Variants in FBXL6 observed in about 807,000 individuals in gnomAD.
FBXL6 encodes the protein F-box/LRR-repeat protein 6.
In FBXL6, 50 loss-of-function variants were observed where a neutral mutation model predicts 53.3. The observed-to-expected ratio is 0.94, with a 90% confidence interval of 0.75 to 1.19. The LOEUF is 1.19. Ranked by LOEUF, FBXL6 falls within the 50% of genes most tolerant of loss-of-function variation. The pLI, the probability that FBXL6 is intolerant of heterozygous loss-of-function variation, is 0.00. For missense variants in FBXL6, 815 were observed against 719.0 expected, an observed-to-expected ratio of 1.13 and a Z score of -1.53; for synonymous variants, 405 against 322.9, an observed-to-expected ratio of 1.25 and a Z score of -2.73.
chr8:144,356,172 C>T lies in FBXL6; in HGVS notation c.1268G>A (p.Arg423Gln), dbSNP rs782379592. ...LHLGLYGTSD[R>Q]LTLAKEGSPF... ...GCTGCCCTCCTTGGCTAGAGTCAGC[C>T]GGTCTGACGTGCCATACAGGCCCAG... is the stretch of plus-strand genomic sequence containing the variant. Residue 423 changes from arginine (R) to glutamine (Q), a missense_variant, in exon 8 of 9, where the codon CGG becomes CAG. Coordinates refer to ENST00000331890, the MANE Select transcript of FBXL6 (RefSeq NM_012162.4). 1.1e-5 allele frequency: 17 copies of T among 1,608,218 alleles called. 1 individual carries two copies. In the Middle Eastern group the frequency reaches 4.9e-4, roughly 47 times the overall value.
rs1564650980 is a variant in FBXL6, at chr8:144,357,771, GCA to G, written c.430_431del (p.Cys144ProfsTer73). The G allele has an allele frequency of 5.1e-6, 8 of 1,577,970 alleles. No homozygotes were observed. The highest frequency in any genetic ancestry group is 6.0e-6 in the Non-Finnish European group (7 of 1,165,802). ...GGGAAGCGGCCTCCTGCCAGCGGCG[GCA>G]CACGCGCGCAGCCCTGGGAGGACAG... The part of the protein sequence containing the change: ...MPFLGRAARV[C>X]RRWQEAASQP... On this transcript the variant is annotated frameshift_variant, in exon 2 of 9. Transcript: ENST00000331890. LOFTEE classifies it high-confidence loss of function.
At chr8:144,355,780 C>A in intron 8 of FBXL6, 102 bp from the exon 9 acceptor site, 1 of 1,531,502 alleles carries the variant, frequency 6.5e-7, no homozygotes, top group African/African-American at 1.4e-5. Context: ...GGCTCTGCCA[C>A]CCATAGCCAC....
chr8:144,356,107 G>A lies in FBXL6; in HGVS notation c.1333C>T (p.Leu445=). The change falls in exon 8 of 9, where the codon CTG becomes TTG. Residue 445 remains leucine, a synonymous_variant. Transcript: ENST00000331890. ...CTGAACCCCTGGCCACTCAAGTCCAGTTCTCGCAGTGTATGGCACCACTTC... is the reference window on the plus strand; with the variant it reads ...CTGAACCCCTGGCCACTCAAGTCCAATTCTCGCAGTGTATGGCACCACTTC... The part of the protein sequence containing the change: ...TQKWCHTLRE[L]DLSGQGFSEK... 1 of 1,613,018 alleles carries A rather than the reference G, an allele frequency of 6.2e-7. No homozygotes were observed. Among genetic ancestry groups the A allele is most frequent in the Non-Finnish European group, 8.5e-7 (1 of 1,180,026 alleles).
At position 144,356,599 on chromosome 8, in the gene FBXL6, C is replaced by A. The variant is rs782680645; in HGVS notation, c.993+1G>T. On this transcript the variant is annotated splice_donor_variant, in intron 6 of 8. Coordinates refer to ENST00000331890, the MANE Select transcript of FBXL6 (RefSeq NM_012162.4). LOFTEE classifies it high-confidence loss of function. ...GGTGGGAGAGGCAGGGCGCCAGGTA[C>A]CTGGAGCTGAGGGCAGCCTTTCTGC... The A allele has an allele frequency of 1.2e-6, 2 of 1,612,792 alleles. No individual in the cohort carries two copies. The highest frequency in any genetic ancestry group is 1.7e-6 in the Non-Finnish European group (2 of 1,179,954).
rs1330064978 is a variant in FBXL6, at chr8:144,356,232, A to G, written c.1226-18T>C. 9.9e-6 allele frequency: 12 copies of G among 1,211,638 alleles called. No individual in the cohort carries two copies. Among genetic ancestry groups the G allele is most frequent in the Non-Finnish European group, 1.3e-5 (12 of 953,426 alleles). The allele number at this position is 1,211,638 out of a possible 1,614,324, so 75.1% of individuals were successfully genotyped here. A position where few individuals can be genotyped will look rare whatever the true frequency, so the allele number is the denominator to read the frequency against. ...CTCCAGCTCTGCAGTGAAAGGAGTG[A>G]GCATAAGCTACAAGGTGACAAGGGC... On this transcript the variant is annotated intron_variant, in intron 7 of 8. Transcript: ENST00000331890.
At position 144,358,178 on chromosome 8, in the gene FBXL6, C is replaced by T. The variant is rs782168336; in HGVS notation, c.270G>A (p.Ala90=). 2 of 1,458,038 alleles carry T rather than the reference C, an allele frequency of 1.4e-6. No homozygotes were observed. Among genetic ancestry groups the T allele is most frequent in the African/African-American group, 2.9e-5 (2 of 68,378 alleles). 90.3% of individuals were successfully genotyped at this position (1,458,038 alleles called of 1,614,324 possible). ...GTGCCGGTGCGGGTGCGGGCGCGGC[C>T]GCCGCCTCGGACCTGAGCCCGGCCT... ...KPKAGLRSEA[A]AAPAPAPAPT... The change falls in exon 1 of 9, where the codon GCG becomes GCA. Residue 90 remains alanine (A), a synonymous_variant. Coordinates refer to ENST00000331890, the MANE Select transcript of FBXL6 (RefSeq NM_012162.4).
At position 144,357,712 on chromosome 8, in the gene FBXL6, G is replaced by A. The variant is rs1818525765; in HGVS notation, c.491C>T (p.Ser164Phe). The change falls in exon 2 of 9, where the codon TCC becomes TTC. Residue 164 changes from serine (S) to phenylalanine (F), a missense_variant. Transcript: ENST00000331890. ...CTTGGCAGGCCGGCCGACCAGCGGG[G>A]ACGACAGGGTCACGGTGTGCCAGAG... is the stretch of plus-strand genomic sequence containing the variant. ...PALWHTVTLS[S>F]PLVGRPAKGG... The A allele has an allele frequency of 6.2e-7, 1 of 1,609,466 alleles. No individual in the cohort carries two copies. Among genetic ancestry groups the A allele is most frequent in the Non-Finnish European group, 8.5e-7 (1 of 1,178,662 alleles).
chr8:144,356,738 G>C, intron 5 of FBXL6, 25 bp from the exon 6 acceptor site: 1 of 1,610,928 alleles, frequency 6.2e-7, no homozygotes, highest in South Asian at 1.1e-5. Flanking sequence ...GGAGGGGGTA[G>C]GTCACAGGGT....
rs781905056 is a variant in FBXL6, at chr8:144,357,080, G to A, written c.681C>T (p.Leu227=). ...ECCPRLTFLK[L]SGCHGVTADA... ...CAGCAGTCACACCGTGGCAGCCGGA[G>A]AGCTTGAGGAAAGTGAGCCGAGGAC... The change falls in exon 4 of 9, where the codon CTC becomes CTT. Residue 227 remains leucine (L), a synonymous_variant. Coordinates refer to ENST00000331890, the MANE Select transcript of FBXL6 (RefSeq NM_012162.4). The A allele has an allele frequency of 1.2e-6, 2 of 1,612,982 alleles. No homozygotes were observed. The highest frequency in any genetic ancestry group is 1.6e-4 in the Middle Eastern group (1 of 6,062).
At chr8:144,356,786 G>A in intron 5 of FBXL6, 22 bp downstream of exon 5, 2 of 1,612,756 alleles carry the variant, frequency 1.2e-6, no homozygotes, top group Non-Finnish European at 1.7e-6. Context: ...ATCTGCCTCT[G>A]CTCCCACCAA....
chr8:144,357,289 G>A (rs1818499506), intron 3 of FBXL6, 150 bp downstream of exon 3: 12 of 1,257,418 alleles, frequency 9.5e-6, no homozygotes, highest in Middle Eastern at 2.7e-4. Context: ...CCTCCCTGCT[G>A]GAGGAAACAG....
chr8:144,356,629 C>G lies in FBXL6; in HGVS notation c.964G>C (p.Ala322Pro), dbSNP rs782362293. 6.2e-7 allele frequency: 1 copy of G among 1,612,888 alleles called. No homozygotes were observed. Among genetic ancestry groups the G allele is most frequent in the African/African-American group, 1.3e-5 (1 of 74,886 alleles). Residue 322 changes from alanine (A) to proline (P), a missense_variant, in exon 6 of 9, where the codon GCT becomes CCT. By Grantham distance (27) the Ala-to-Pro change is conservative (BLOSUM62 -1). Coordinates refer to ENST00000331890, the MANE Select transcript of FBXL6 (RefSeq NM_012162.4). ...AGCTGAGGGCAGCCTTTCTGCAGAG[C>G]CTCGACAGGCAGCTGAAGGGGAATG... ...NSIPLQLPVEALQKGCPQLQV... is the reference protein window; with the variant it reads ...NSIPLQLPVEPLQKGCPQLQV...
chr8:144,357,814 G>A (rs782348957), intron 1 of FBXL6, 28 bp from the exon 2 acceptor site: 23 of 1,491,700 alleles, frequency 1.5e-5, no homozygotes, highest in African/African-American at 4.2e-5. Context: ...TGAGGGTGCC[G>A]GCCCCTCCGT....
rs1460535906 is a variant in FBXL6 at position 144,357,846 on chromosome 8, G to A, written c.417-60C>T. The stretch of plus-strand genomic sequence containing the variant: ...CCGTAGGCGATGCCCCCCTCTCGCA[G>A]CGCAGTAGACACCCCGGCTCAAAGC... On this transcript the variant is annotated intron_variant, in intron 1 of 8. Transcript: ENST00000331890. 2.1e-6 allele frequency: 3 copies of A among 1,452,882 alleles called. No individual in the cohort carries two copies. The Admixed American group carries it at 7.9e-5, about 38-fold the overall frequency. 90.0% of individuals were successfully genotyped at this position (1,452,882 alleles called of 1,614,324 possible).
rs565070226 is a variant in FBXL6 at position 144,356,628 on chromosome 8, G to A, written c.965C>T (p.Ala322Val). ...GAGCTGAGGGCAGCCTTTCTGCAGA[G>A]CCTCGACAGGCAGCTGAAGGGGAAT... ...NSIPLQLPVEALQKGCPQLQV... is the reference protein window; with the variant it reads ...NSIPLQLPVEVLQKGCPQLQV... The change falls in exon 6 of 9, where the codon GCT becomes GTT. Residue 322 changes from alanine (A) to valine (V), a missense_variant. Ala to Val is a moderately conservative substitution (Grantham distance 64). Transcript: ENST00000331890. 1 of 1,613,054 alleles carries A rather than the reference G, an allele frequency of 6.2e-7. No homozygotes were observed.
chr8:144,357,234 C>G, intron 3 of FBXL6, 113 bp from the exon 4 acceptor site: 1 of 1,448,270 alleles, frequency 6.9e-7, no homozygotes, highest in Non-Finnish European at 9.4e-7. Flanking sequence ...CTGTGACCTC[C>G]TTTCTGCCCA....
Position 144,358,319 on chromosome 8 carries a change from G to C in FBXL6, c.129C>G (p.Asp43Glu). The C allele has an allele frequency of 7.9e-7, 1 of 1,264,660 alleles. No individual in the cohort carries two copies. The highest frequency in any genetic ancestry group is 9.9e-7 in the Non-Finnish European group (1 of 1,006,406). 78.3% of individuals were successfully genotyped at this position (1,264,660 alleles called of 1,614,324 possible). A position where few individuals can be genotyped will look rare whatever the true frequency, so the allele number is the denominator to read the frequency against. Residue 43 changes from aspartate to glutamate, a missense_variant, in exon 1 of 9, where the codon GAC becomes GAG. Physicochemically the swap from Asp to Glu is conservative, Grantham distance 45. Transcript: ENST00000331890. ...RGSGYHLLQS[D>E]SMLLVLSEPG... is the part of the protein sequence containing the mutation. ...GTTCGGACAGCACCAGCAGCATGCT[G>C]TCGGACTGCAGCAGGTGGTACCCCG...
Position 144,358,024 on chromosome 8 carries a change from A to G in FBXL6, c.416+8T>C. ...TACGCTCGGCGGCGGGCCCGGCACC[A>G]GCGTTACCTGCCCAGGAAGGGCATG... On this transcript the variant is annotated splice_region_variant and intron_variant, in intron 1 of 8. Coordinates refer to ENST00000331890, the MANE Select transcript of FBXL6 (RefSeq NM_012162.4). 6.3e-7 allele frequency: 1 copy of G among 1,588,430 alleles called. No individual in the cohort carries two copies. The highest frequency in any genetic ancestry group is 2.3e-5 in the East Asian group (1 of 42,660).
rs1480232970 is a variant in FBXL6 at position 144,357,715 on chromosome 8, G to A, written c.488C>T (p.Ser163Leu). ...QPALWHTVTL[S>L]SPLVGRPAKG... ...GGCAGGCCGGCCGACCAGCGGGGACGACAGGGTCACGGTGTGCCAGAGCGC... is the reference window on the plus strand; with the variant it reads ...GGCAGGCCGGCCGACCAGCGGGGACAACAGGGTCACGGTGTGCCAGAGCGC... The change falls in exon 2 of 9, where the codon TCG becomes TTG. Residue 163 changes from serine to leucine, a missense_variant. Physicochemically the swap from Ser to Leu is moderately radical, Grantham distance 145. Coordinates refer to ENST00000331890, the MANE Select transcript of FBXL6 (RefSeq NM_012162.4). The A allele has an allele frequency of 1.2e-6, 2 of 1,608,966 alleles. No individual in the cohort carries two copies. Among genetic ancestry groups the A allele is most frequent in the Non-Finnish European group, 1.7e-6 (2 of 1,178,578 alleles).
Sources: allele counts gnomAD v4.1 joint callset, GRCh38; gene constraint gnomAD v4.1.1; transcripts MANE v1.5; gene names NCBI Gene and HGNC (gene_info 2026-07-23, HGNC 2026-07-21).